Variants in SLIT2 observed in about 807,000 individuals in gnomAD.
The protein encoded by SLIT2 is slit guidance ligand 2, also known as slit homolog 2 protein.
In SLIT2, 41 loss-of-function variants were observed where a neutral mutation model predicts 185.7. That is an observed-to-expected ratio of 0.22 (90% confidence interval 0.17 to 0.29). The LOEUF (loss-of-function observed/expected upper bound fraction) is 0.29, where lower values mean the gene tolerates loss of function less well. SLIT2 is among the 10% of genes least tolerant of loss of function. The pLI is 1.00. For missense variants in SLIT2, 1,571 were observed against 1,909.0 expected, an observed-to-expected ratio of 0.82 and a Z score of 3.30; for synonymous variants, 693 against 680.2, an observed-to-expected ratio of 1.02 and a Z score of -0.29.
chr4:20,540,327 A>G (rs957375610), intron 19 of SLIT2, among the ~76,000 whole-genome samples: 3 of 151,892 alleles, frequency 2.0e-5, no homozygotes, highest in Non-Finnish European at 4.4e-5. Context: ...ATGACAGTAG[A>G]TATATTAGGA....
intron 3 of SLIT2, among the ~76,000 whole-genome samples, chr4:20,268,422 G>A (rs1347018559): frequency 6.6e-6 from 1 of 151,438 alleles, no homozygotes; most frequent in African/African-American, 2.4e-5. Flanking sequence ...TGAACTTTTA[G>A]GCCAATTGGG....
chr4:20,320,908 A>C (rs918459660), intron 4 of SLIT2, among the ~76,000 whole-genome samples: 1 of 152,166 alleles, frequency 6.6e-6, no homozygotes, highest in Non-Finnish European at 1.5e-5. Flanking sequence ...CCATGCCTGT[A>C]ATCCCAGCAC....
chr4:20,400,883 C>T lies in SLIT2; in HGVS notation c.396-66869C>T, dbSNP rs555726452. Reference sequence around the variant, plus strand: ...TGTGGATTGCCATGTGTTAGTATATCCTGCTCAAGGGTGGTATCCATAAAT... The same window carrying T: ...TGTGGATTGCCATGTGTTAGTATATTCTGCTCAAGGGTGGTATCCATAAAT... On this transcript the variant is annotated intron_variant, in intron 4 of 36. Transcript: ENST00000504154. Among the ~76,000 whole-genome samples the T allele has an allele frequency of 9.9e-5, 15 of 151,892 alleles. No homozygotes were observed. In the South Asian group the frequency reaches 3.1e-3, roughly 31 times the overall value.
In SLIT2 at chr4:20,619,137, T is replaced by A. The variant is rs1578037081; in HGVS notation, c.*128T>A. ...ATACAGAACAGACTTATTTTTATTA[T>A]GAGAATAAAGACTTTTTTTCTGCAT... On this transcript the variant is annotated 3_prime_UTR_variant, in exon 37 of 37. Coordinates refer to ENST00000504154, the MANE Select transcript of SLIT2 (RefSeq NM_004787.4). 1.0e-6 allele frequency: 1 copy of A among 977,822 alleles called. No homozygotes were observed. The highest frequency in any genetic ancestry group is 2.9e-5 in the East Asian group (1 of 34,548). The allele number at this position is 977,822 out of a possible 1,614,324, so 60.6% of individuals were successfully genotyped here. A position where few individuals can be genotyped will look rare whatever the true frequency, so the allele number is the denominator to read the frequency against.
intron 4 of SLIT2, 66 bp downstream of exon 4, chr4:20,268,947 G>C: frequency 1.0e-6 from 1 of 984,156 alleles, no homozygotes; most frequent in Non-Finnish European, 1.6e-6. Flanking sequence ...ATGTATTTTG[G>C]ATCTGTTTGT....
chr4:20,606,840 A>G (rs1728830389), intron 33 of SLIT2, among the ~76,000 whole-genome samples: 1 of 152,232 alleles, frequency 6.6e-6, no homozygotes, highest in South Asian at 2.1e-4. Context: ...AAGGTAATTT[A>G]CTATAGAACT....
intron 4 of SLIT2, among the ~76,000 whole-genome samples, chr4:20,377,325 T>C (rs1401163349): frequency 1.3e-5 from 2 of 152,174 alleles, no homozygotes; most frequent in Non-Finnish European, 2.9e-5. Flanking sequence ...AGTGAATACA[T>C]CTATTAAGAT....
rs1560234449 is a variant in SLIT2 at position 20,605,706 on chromosome 4, A to ATT, written c.3693-4304_3693-4303dup. On this transcript the variant is annotated intron_variant, in intron 33 of 36. Transcript: ENST00000504154. The stretch of plus-strand genomic sequence containing the variant: ...ATGTGTCGATCACTGCTTTTATTTT[A>ATT]TTTTATATTTTATTTTATTTTATTT... Among the ~76,000 whole-genome samples the ATT allele has an allele frequency of 6.2e-5, 9 of 145,432 alleles. No individual in the cohort carries two copies. The East Asian group carries it at 1.8e-3, about 28-fold the overall frequency.
At position 20,328,789 on chromosome 4, in the gene SLIT2, A is replaced by G. The variant is rs185387306; in HGVS notation, c.395+59908A>G. Among the ~76,000 whole-genome samples the G allele has an allele frequency of 1.3e-3, 201 of 152,202 alleles. 2 individuals carry two copies. Among genetic ancestry groups the G allele is most frequent in the African/African-American group, 4.8e-3 (200 of 41,552 alleles). On this transcript the variant is annotated intron_variant, in intron 4 of 36. Transcript: ENST00000504154. ...TGACAATCTAAATATAAACTGTGGT[A>G]TGATGGTGATGCTATTGTAATGGAT... is the stretch of plus-strand genomic sequence containing the variant.
At chr4:20,389,720 A>G (rs1377774744) in intron 4 of SLIT2, among the ~76,000 whole-genome samples, 1 of 152,076 alleles carries the variant, frequency 6.6e-6, no homozygotes, top group Non-Finnish European at 1.5e-5. Context: ...GGTACTTTGA[A>G]TGAGGAGCAG....
At chr4:20,485,753 C>T (rs1352722374) in intron 6 of SLIT2, among the ~76,000 whole-genome samples, 2 of 152,152 alleles carry the variant, frequency 1.3e-5, no homozygotes, top group Non-Finnish European at 2.9e-5. Flanking sequence ...ACGAATGATT[C>T]TGTATTGTTG....
intron 24 of SLIT2, 39 bp downstream of exon 24, chr4:20,549,167 G>C: frequency 7.8e-7 from 1 of 1,282,090 alleles, no homozygotes; most frequent in Non-Finnish European, 1.1e-6. Flanking sequence ...TCTTTTCTCA[G>C]AGATCTGAGT....
chr4:20,342,546 T>C (rs1721041859), intron 4 of SLIT2, among the ~76,000 whole-genome samples: 1 of 152,038 alleles, frequency 6.6e-6, no homozygotes, highest in South Asian at 2.1e-4. Flanking sequence ...TAATAAAGTA[T>C]TACCTAGGAT....
At chr4:20,610,189 G>A (rs1729104481) in intron 34 of SLIT2, 22 bp downstream of exon 34, 2 of 1,603,420 alleles carry the variant, frequency 1.2e-6, no homozygotes, top group Non-Finnish European at 1.7e-6. Flanking sequence ...TCCAAATTCA[G>A]GTGGTCCTGA....
chr4:20,361,050 A>G (rs921627632), intron 4 of SLIT2, among the ~76,000 whole-genome samples: 1 of 152,174 alleles, frequency 6.6e-6, no homozygotes, highest in African/African-American at 2.4e-5. Context: ...AGCATGTTCA[A>G]TATTTGATAT....
At chr4:20,497,420 G>C (rs571920354) in intron 9 of SLIT2, among the ~76,000 whole-genome samples, 23 of 152,070 alleles carry the variant, frequency 1.5e-4, no homozygotes, top group Non-Finnish European at 2.5e-4. Context: ...GGTCTTGTTG[G>C]AATGTCATTA....
At chr4:20,477,220 G>GTA (rs10695661) in intron 5 of SLIT2, among the ~76,000 whole-genome samples, 6,634 of 148,816 alleles carry the variant, frequency 0.045, 218 homozygotes, top group African/African-American at 0.083. Flanking sequence ...AAGACATGGA[G>GTA]TTTTGCTCTT....
At chr4:20,481,732 A>G (rs1052757868) in intron 6 of SLIT2, among the ~76,000 whole-genome samples, 2 of 152,076 alleles carry the variant, frequency 1.3e-5, no homozygotes, top group African/African-American at 4.8e-5. Flanking sequence ...TCAGGAATGG[A>G]ATATCATTCT....
At chr4:20,264,701 GA>G (rs1712849698) in intron 3 of SLIT2, among the ~76,000 whole-genome samples, 1 of 151,868 alleles carries the variant, frequency 6.6e-6, no homozygotes, top group Admixed American at 6.6e-5. Flanking sequence ...GTGCAATGCA[GA>G]AAGATCATTC....
Sources: allele counts gnomAD v4.1 joint callset (sites outside exome capture counted in the v4.1 genomes callset), GRCh38; gene constraint gnomAD v4.1.1; transcripts MANE v1.5; gene names NCBI Gene and HGNC (gene_info 2026-07-23, HGNC 2026-07-21).